The following BCL2L14 variants were observed in gnomAD, a reference collection of about 807,000 sequenced individuals.
BCL2L14 encodes the protein apoptosis facilitator Bcl-2-like protein 14.
In BCL2L14, 27 loss-of-function variants were observed where a neutral mutation model predicts 35.3. The ratio of observed to expected loss-of-function variants is 0.76; its 90% CI spans 0.56 to 1.05. The LOEUF (loss-of-function observed/expected upper bound fraction) is 1.05, where lower values mean the gene tolerates loss of function less well. Among genes scored for constraint, BCL2L14 ranks in the 50% least tolerant of loss-of-function variants. BCL2L14 has a pLI of 0.00. For synonymous variants in BCL2L14, 139 were observed against 145.9 expected, an observed-to-expected ratio of 0.95 and a Z score of 0.34; for missense variants, 377 against 382.6, an observed-to-expected ratio of 0.99 and a Z score of 0.12.
chr12:12,086,523 T>A (rs1949045944), intron 2 of BCL2L14, among the ~76,000 whole-genome samples: 1 of 152,180 alleles, frequency 6.6e-6, no homozygotes, highest in Non-Finnish European at 1.5e-5. Flanking sequence ...TGCTTTATTC[T>A]ACAATTCTGT....
At chr12:12,063,014 A>C (rs1027844635) in intron 2 of BCL2L14, among the ~76,000 whole-genome samples, 1 of 152,218 alleles carries the variant, frequency 6.6e-6, no homozygotes, top group Non-Finnish European at 1.5e-5. Context: ...AGAATGCTAC[A>C]AGGTACAGCC....
At chr12:12,058,203 C>T (rs1241905961) in intron 2 of BCL2L14, among the ~76,000 whole-genome samples, 2 of 151,358 alleles carry the variant, frequency 1.3e-5, no homozygotes, top group Non-Finnish European at 2.9e-5. Context: ...CTGCCCGCCT[C>T]GGCCTCCCAA....
intron 2 of BCL2L14, among the ~76,000 whole-genome samples, chr12:12,060,150 A>G (rs1350479349): frequency 1.4e-5 from 2 of 147,634 alleles, no homozygotes; most frequent in Non-Finnish European, 3.0e-5. Flanking sequence ...TCCTTTTATC[A>G]CCTCCCCTCC....
At chr12:12,093,450 T>C (rs753498704) in intron 4 of BCL2L14, among the ~76,000 whole-genome samples, 11 of 151,976 alleles carry the variant, frequency 7.2e-5, no homozygotes, top group African/African-American at 1.9e-4. Context: ...CTGGGCAATA[T>C]AGTAAGCCTT....
chr12:12,075,761 TTC>T (rs200156928), intron 1 of BCL2L14, among the ~76,000 whole-genome samples: 2,561 of 152,154 alleles, frequency 0.017, 37 homozygotes, highest in African/African-American at 0.024. Context: ...GCTGTAGCAG[TTC>T]TCTGTCTTCA....
At chr12:12,094,101 C>T (rs547044510) in intron 4 of BCL2L14, among the ~76,000 whole-genome samples, 74 of 68,422 alleles carry the variant, frequency 1.1e-3, no homozygotes, top group Middle Eastern at 6.2e-3. Flanking sequence ...GAGTGAAACC[C>T]TGTCTTAAAA....
At chr12:12,082,583 G>A (rs909548515) in intron 2 of BCL2L14, among the ~76,000 whole-genome samples, 9 of 152,178 alleles carry the variant, frequency 5.9e-5, no homozygotes, top group African/African-American at 2.2e-4. Flanking sequence ...AAAATTTCAA[G>A]AGAAGCTTTT....
upstream of BCL2L14, chr12:12,070,810 A>G (rs1186000371): frequency 6.6e-6 from 1 of 152,238 alleles, no homozygotes; most frequent in African/African-American, 2.4e-5. Context: ...CCCAAAGGGC[A>G]GGAAGAGTGC....
chr12:12,094,991 T>A (rs1949284808), intron 5 of BCL2L14, 61 bp downstream of exon 5: 1 of 1,497,568 alleles, frequency 6.7e-7, no homozygotes, highest in Non-Finnish European at 8.9e-7. Context: ...GGATGGATTT[T>A]TTTTTTTTTT....
chr12:12,078,483 C>G (rs1948831731), intron 1 of BCL2L14, among the ~76,000 whole-genome samples: 1 of 152,220 alleles, frequency 6.6e-6, no homozygotes, highest in Non-Finnish European at 1.5e-5. Flanking sequence ...TAGTCAAAGA[C>G]CACCATAATC....
chr12:12,077,240 C>T (rs1222263210), intron 1 of BCL2L14, among the ~76,000 whole-genome samples: 2 of 152,110 alleles, frequency 1.3e-5, no homozygotes, highest in Non-Finnish European at 2.9e-5. Flanking sequence ...TATTAAGAGC[C>T]ATATTAAGAC....
intron 2 of BCL2L14, among the ~76,000 whole-genome samples, chr12:12,062,015 G>C (rs1319880497): frequency 6.6e-6 from 1 of 152,138 alleles, no homozygotes; most frequent in Non-Finnish European, 1.5e-5. Context: ...TTTTAGCCTA[G>C]CCCTCATGTC....
intron 2 of BCL2L14, among the ~76,000 whole-genome samples, chr12:12,059,521 CTT>C (rs1236042982): frequency 2.0e-5 from 3 of 151,850 alleles, no homozygotes; most frequent in African/African-American, 7.2e-5. Flanking sequence ...GCCCCAACCT[CTT>C]ATATCTCTGC....
At chr12:12,086,564 G>C (rs1949046913) in intron 2 of BCL2L14, among the ~76,000 whole-genome samples, 1 of 152,200 alleles carries the variant, frequency 6.6e-6, no homozygotes. Context: ...TCTTTTCTCA[G>C]CTTGTAAATT....
intron 2 of BCL2L14, among the ~76,000 whole-genome samples, chr12:12,062,456 C>T (rs1948540290): frequency 6.6e-6 from 1 of 151,002 alleles, no homozygotes; most frequent in Admixed American, 6.6e-5. Context: ...CTTAGAACCT[C>T]TCATTTCCTT....
chr12:12,085,430 G>A (rs1311631132), intron 2 of BCL2L14, among the ~76,000 whole-genome samples: 1 of 152,240 alleles, frequency 6.6e-6, no homozygotes, highest in Non-Finnish European at 1.5e-5. Flanking sequence ...GGTGGCCAGA[G>A]TTCCAGCGGA....
intron 2 of BCL2L14, among the ~76,000 whole-genome samples, chr12:12,064,805 T>C (rs1348920317): frequency 6.6e-6 from 1 of 152,216 alleles, no homozygotes; most frequent in Non-Finnish European, 1.5e-5. Flanking sequence ...ATGACCTATG[T>C]TTATCAGGAG....
At chr12:12,050,261 C>T (rs1948328158) in intron 1 of BCL2L14, among the ~76,000 whole-genome samples, 1 of 151,794 alleles carries the variant, frequency 6.6e-6, no homozygotes, top group East Asian at 1.9e-4. Flanking sequence ...AAAGGCTGGA[C>T]AGGAGTCTTG....
chr12:12,059,795 C>T (rs1202314595), intron 2 of BCL2L14, among the ~76,000 whole-genome samples: 1 of 152,286 alleles, frequency 6.6e-6, no homozygotes, highest in East Asian at 1.9e-4. Context: ...TGCCGCTTGA[C>T]CCCAATACAA....
Sources: gnomAD v4.1 joint callset for allele counts (sites outside exome capture counted in the v4.1 genomes callset) on GRCh38, gnomAD v4.1.1 for gene constraint, MANE v1.5 for transcripts, NCBI Gene and HGNC (gene_info 2026-07-23, HGNC 2026-07-21) for gene names.